BCLAF1: variants seen among roughly 807,000 people sequenced by gnomAD.
BCLAF1 encodes bcl-2-associated transcription factor 1.
In BCLAF1, 10 loss-of-function variants were observed where a neutral mutation model predicts 99.5. The observed-to-expected ratio is 0.10, with a 90% CI of 0.06 to 0.17. BCLAF1 has a LOEUF of 0.17. Ranked by LOEUF, BCLAF1 falls within the 10% of genes least tolerant of loss-of-function variation. The pLI is 1.00. For synonymous variants in BCLAF1, 255 were observed against 370.9 expected (o/e 0.69, Z 3.59); for missense variants, 636 against 1,105.8 (o/e 0.58, Z 6.02).
rs892051912 is a variant in BCLAF1 at position 136,260,928 on chromosome 6, A to G, written c.*182T>C. On this transcript the variant is annotated 3_prime_UTR_variant, in exon 13 of 13. Transcript: ENST00000531224. ...ACAATTTTCTACTTTATTTCAGTAC[A>G]ATTTTCAACATACAGTCTACTATTT... is the stretch of plus-strand genomic sequence containing the variant. 6 of 586,444 alleles carry G rather than the reference A, an allele frequency of 1.0e-5. No homozygotes were observed. In the African/African-American group the frequency reaches 1.2e-4, roughly 12 times the overall value. 36.3% of individuals were successfully genotyped at this position (586,444 alleles called of 1,614,324 possible).
chr6:136,270,814 G>C (rs1451778915), intron 8 of BCLAF1, among the ~76,000 whole-genome samples: 1 of 151,812 alleles, frequency 6.6e-6, no homozygotes, highest in Non-Finnish European at 1.5e-5. Flanking sequence ...GTAATGAGGA[G>C]AGAAGATACT....
intron 6 of BCLAF1, 110 bp downstream of exon 6, chr6:136,275,422 G>A: frequency 9.6e-7 from 1 of 1,045,556 alleles, no homozygotes; most frequent in Non-Finnish European, 1.3e-6. Flanking sequence ...AATAATATTG[G>A]ATGTATATTT....
chr6:136,281,944 TAC>T (rs1298320397), intron 2 of BCLAF1, among the ~76,000 whole-genome samples: 1 of 152,246 alleles, frequency 6.6e-6, no homozygotes, highest in Non-Finnish European at 1.5e-5. Flanking sequence ...TGCTTTAAGC[TAC>T]ACCTGAAACT....
At chr6:136,266,324 A>G (rs566548076) in intron 11 of BCLAF1, among the ~76,000 whole-genome samples, 3 of 152,254 alleles carry the variant, frequency 2.0e-5, no homozygotes, top group South Asian at 2.1e-4. Context: ...CTGAAAAGCC[A>G]TGACAAAAAA....
chr6:136,284,933 C>G lies in BCLAF1; in HGVS notation c.-114-2246G>C, dbSNP rs143371210. 5.7e-3 allele frequency among the ~76,000 whole-genome samples: 871 copies of G among 152,126 alleles called. 9 individuals carry two copies. The highest frequency in any genetic ancestry group is 9.4e-3 in the Non-Finnish European group (636 of 67,996). On this transcript the variant is annotated intron_variant, in intron 1 of 12. Transcript: ENST00000531224. ...CTCTTTAAGGAGGTAACATTTGGGC[C>G]TAAAGACAGGGAACACTGCAAAGAT...
chr6:136,288,414 A>C (rs1161079423), intron 1 of BCLAF1, among the ~76,000 whole-genome samples: 1 of 152,240 alleles, frequency 6.6e-6, no homozygotes, highest in Non-Finnish European at 1.5e-5. Flanking sequence ...ACAAAAATAC[A>C]AAAGCCTTGT....
intron 1 of BCLAF1, among the ~76,000 whole-genome samples, chr6:136,284,130 G>GTGTGTGTATATATATATA (rs36141174): frequency 9.8e-5 from 12 of 122,104 alleles, no homozygotes; most frequent in African/African-American, 4.1e-4. Flanking sequence ...GTGTGTGTGT[G>GTGTGTGTATATATATATA]TATATATATA....
chr6:136,286,906 T>G (rs1245109060), intron 1 of BCLAF1, among the ~76,000 whole-genome samples: 3 of 152,078 alleles, frequency 2.0e-5, no homozygotes, highest in Non-Finnish European at 4.4e-5. Context: ...AGGTGGAGGT[T>G]GCAGTGAGCC....
At chr6:136,277,458 C>T (rs1430295714) in intron 4 of BCLAF1, among the ~76,000 whole-genome samples, 1 of 152,160 alleles carries the variant, frequency 6.6e-6, no homozygotes. Flanking sequence ...TACTCAACTT[C>T]TCCTCATCTG....
In BCLAF1 at chr6:136,275,711, A is replaced by C. The variant is rs752757301; in HGVS notation, c.1683-10T>G. ...AGTCAAGGAAGCAGGTCTGGAACAT[A>C]TTGATAACACACACACACACAAAAT... On this transcript the variant is annotated splice_polypyrimidine_tract_variant and intron_variant, in intron 5 of 12. Transcript: ENST00000531224. 6.3e-7 allele frequency: 1 copy of C among 1,579,176 alleles called. No individual in the cohort carries two copies.
chr6:136,260,864 A>G lies in BCLAF1; in HGVS notation c.*246T>C, dbSNP rs1396464004. The G allele has an allele frequency of 1.2e-5, 6 of 483,578 alleles. No individual in the cohort carries two copies. The highest frequency in any genetic ancestry group is 9.5e-5 in the South Asian group (2 of 21,134). 30.0% of individuals were successfully genotyped at this position (483,578 alleles called of 1,614,324 possible). ...TTACAATGCATGTAACAAAAACGTTAAAAGTTTTAAAAGTTGATAGTTACA... is the reference window on the plus strand; with the variant it reads ...TTACAATGCATGTAACAAAAACGTTGAAAGTTTTAAAAGTTGATAGTTACA... On this transcript the variant is annotated 3_prime_UTR_variant, in exon 13 of 13. Coordinates refer to ENST00000531224, the MANE Select transcript of BCLAF1 (RefSeq NM_014739.3).
intron 11 of BCLAF1, among the ~76,000 whole-genome samples, chr6:136,265,305 G>T (rs1308072534): frequency 6.6e-6 from 1 of 152,054 alleles, no homozygotes; most frequent in Non-Finnish European, 1.5e-5. Flanking sequence ...CCACTGGACA[G>T]CTCCATTTCT....
chr6:136,276,103 T>C lies in BCLAF1; in HGVS notation c.1422A>G (p.Thr474=), dbSNP rs758394622. 1 of 1,610,370 alleles carries C rather than the reference T, an allele frequency of 6.2e-7. No homozygotes were observed. The highest frequency in any genetic ancestry group is 8.5e-7 in the Non-Finnish European group (1 of 1,179,172). ...TGTCTTCTTCTTTGTGCTTATCTTT[T>C]GTAGTGCTAGGCCTTTCCACTACAT... The part of the protein sequence containing the change: ...TGYVVERPST[T]KDKHKEEDKN... The change falls in exon 5 of 13, where the codon ACA becomes ACG. Residue 474 remains threonine (T), a synonymous_variant. Coordinates refer to ENST00000531224, the MANE Select transcript of BCLAF1 (RefSeq NM_014739.3).
chr6:136,272,120 CTT>C, intron 7 of BCLAF1, 41 bp from the exon 8 acceptor site: 1 of 1,414,520 alleles, frequency 7.1e-7, no homozygotes, highest in Non-Finnish European at 9.7e-7. Context: ...ATATTATTAA[CTT>C]TTTGGTTCAA....
intron 9 of BCLAF1, chr6:136,268,552 T>C: frequency 2.0e-6 from 1 of 497,282 alleles, no homozygotes; most frequent in Non-Finnish European, 3.5e-6. Context: ...TGCTAGGGCC[T>C]GCCAGTTAGA....
At chr6:136,286,964 T>C (rs937428989) in intron 1 of BCLAF1, among the ~76,000 whole-genome samples, 2 of 151,570 alleles carry the variant, frequency 1.3e-5, no homozygotes, top group African/African-American at 4.9e-5. Context: ...CAAGACTCCA[T>C]CTCAAAAACA....
At chr6:136,284,619 T>A (rs1269462256) in intron 1 of BCLAF1, among the ~76,000 whole-genome samples, 3 of 152,210 alleles carry the variant, frequency 2.0e-5, no homozygotes, top group East Asian at 3.8e-4. Context: ...GATAATCTCA[T>A]GAGCTACATA....
At chr6:136,289,512 G>A (rs1785673683) in intron 1 of BCLAF1, among the ~76,000 whole-genome samples, 1 of 152,242 alleles carries the variant, frequency 6.6e-6, no homozygotes, top group South Asian at 2.1e-4. Context: ...GCACTGCTCA[G>A]CGCCCCCGCC....
rs1355039731 is a variant in BCLAF1 at position 136,278,723 on chromosome 6, T to C, written c.158A>G (p.Tyr53Cys). 1 of 1,609,334 alleles carries C rather than the reference T, an allele frequency of 6.2e-7. No homozygotes were observed. The highest frequency in any genetic ancestry group is 2.2e-5 in the East Asian group (1 of 44,872). ...GTAATCGCGACGATAATCTCTAGAA[T>C]ACATACGATCTCTACTACGAGACCT... ...YSRSRSRDRM[Y>C]SRDYRRDYRN... Residue 53 changes from tyrosine to cysteine, a missense_variant, in exon 4 of 13, where the codon TAT becomes TGT. Around this residue, in one of 9 missense-constraint regions of BCLAF1, gnomAD observed 81 missense variants for 132.5 expected, o/e 0.61. Transcript: ENST00000531224.
Sources: gnomAD v4.1 joint callset for allele counts (sites outside exome capture counted in the v4.1 genomes callset) on GRCh38, gnomAD v4.1.1 for gene constraint, gnomAD v4.1.1 regional missense constraint, MANE v1.5 for transcripts, NCBI Gene and HGNC (gene_info 2026-07-23, HGNC 2026-07-21) for gene names.